The following ARFGEF1 variants were observed in gnomAD, a reference collection of about 807,000 sequenced individuals.
The protein encoded by ARFGEF1 is brefeldin A-inhibited guanine nucleotide-exchange protein 1.
ARFGEF1 carries 42 observed loss-of-function variants against 231.0 expected under a neutral mutation model. The observed-to-expected ratio is 0.18, with a 90% CI of 0.14 to 0.24. The LOEUF is 0.24. Among genes scored for constraint, ARFGEF1 ranks in the 10% least tolerant of loss-of-function variants. ARFGEF1 has a pLI of 1.00. For missense variants in ARFGEF1, 1,345 were observed against 2,192.0 expected (o/e 0.61, Z 7.72); for synonymous variants, 710 against 732.3 (o/e 0.97, Z 0.49).
intron 10 of ARFGEF1, among the ~76,000 whole-genome samples, chr8:67,269,698 T>C (rs1457311608): frequency 6.6e-6 from 1 of 152,068 alleles, no homozygotes; most frequent in Non-Finnish European, 1.5e-5. Context: ...TGAAAGTATA[T>C]CTATATTTAT....
chr8:67,186,751 C>T (rs142860073), intron 5 of ARFGEF1, among the ~76,000 whole-genome samples: 49 of 152,264 alleles, frequency 3.2e-4, no homozygotes, highest in African/African-American at 1.2e-3. Flanking sequence ...TCACAGATGA[C>T]ATGATTGTCT....
rs1367581176 is a variant in ARFGEF1 at position 67,333,701 on chromosome 8, G to A, written c.124+9463C>T. 2.0e-5 allele frequency among the ~76,000 whole-genome samples: 3 copies of A among 152,102 alleles called. No individual in the cohort carries two copies. In the East Asian group the frequency reaches 5.8e-4, roughly 29 times the overall value. ...GAAGTTTTGGAAAAATACAGGTTGA[G>A]CATTCCTAAACTGAAATGTTCCAAA... On this transcript the variant is annotated intron_variant, in intron 1 of 38. Coordinates refer to ENST00000262215, the MANE Select transcript of ARFGEF1 (RefSeq NM_006421.5).
intron 22 of ARFGEF1, 139 bp from the exon 23 acceptor site, chr8:67,233,084 T>C (rs1329297063): frequency 8.5e-6 from 6 of 703,204 alleles, no homozygotes; most frequent in African/African-American, 1.8e-5. Flanking sequence ...TCTTTTGATA[T>C]CAGTGACATG....
chr8:67,250,510 G>C lies in ARFGEF1; in HGVS notation c.2850+789C>G, dbSNP rs1048742998. 1.0e-3 allele frequency among the ~76,000 whole-genome samples: 158 copies of C among 152,156 alleles called. 1 individual carries two copies. Among genetic ancestry groups the C allele is most frequent in the Non-Finnish European group, 4.0e-4 (27 of 68,022 alleles). The stretch of plus-strand genomic sequence containing the variant: ...TGTATCACATGGACCTTGAAGAAGA[G>C]GTAGGAGTAATTACAAAATTTTGGA... On this transcript the variant is annotated intron_variant, in intron 19 of 38. Coordinates refer to ENST00000262215, the MANE Select transcript of ARFGEF1 (RefSeq NM_006421.5).
At chr8:67,296,812 G>A (rs760036412) in intron 4 of ARFGEF1, among the ~76,000 whole-genome samples, 4 of 151,668 alleles carry the variant, frequency 2.6e-5, no homozygotes, top group South Asian at 2.1e-4. Flanking sequence ...CACCACACCC[G>A]GCTAATTTTG....
intron 5 of ARFGEF1, among the ~76,000 whole-genome samples, chr8:67,185,752 TGAG>T (rs1410429196): frequency 1.3e-5 from 2 of 151,742 alleles, no homozygotes; most frequent in Middle Eastern, 3.2e-3. Flanking sequence ...ATGATGATGA[TGAG>T]TTTGATGATG....
In ARFGEF1 at chr8:67,198,136, G is replaced by A. The variant is rs928430024; in HGVS notation, c.*798C>T. Reference sequence around the variant, plus strand: ...AATATGTGACAGGTAGTTACTGTCAGTAGGGATATTTTCTACCTTTTTTTC... The same window carrying A: ...AATATGTGACAGGTAGTTACTGTCAATAGGGATATTTTCTACCTTTTTTTC... On this transcript the variant is annotated 3_prime_UTR_variant, in exon 39 of 39. Coordinates refer to ENST00000262215, the MANE Select transcript of ARFGEF1 (RefSeq NM_006421.5). The A allele has an allele frequency of 8.1e-6, 8 of 985,652 alleles. No individual in the cohort carries two copies. The highest frequency in any genetic ancestry group is 4.7e-5 in the South Asian group (1 of 21,284). 61.1% of individuals were successfully genotyped at this position (985,652 alleles called of 1,614,324 possible).
intron 1 of ARFGEF1, among the ~76,000 whole-genome samples, chr8:67,320,107 CA>C (rs1375692653): frequency 6.6e-6 from 1 of 151,516 alleles, no homozygotes; most frequent in Non-Finnish European, 1.5e-5. Context: ...CCTATAATCC[CA>C]GCTACTTGGG....
At chr8:67,204,603 C>A in intron 35 of ARFGEF1, 77 bp downstream of exon 35, 1 of 1,475,160 alleles carries the variant, frequency 6.8e-7, no homozygotes, top group Non-Finnish European at 9.1e-7. Flanking sequence ...AATTCTCTAG[C>A]CTAACTCTAC....
chr8:67,211,043 CAA>C (rs112619283), intron 34 of ARFGEF1, among the ~76,000 whole-genome samples: 5 of 87,956 alleles, frequency 5.7e-5, no homozygotes, highest in South Asian at 3.8e-4. Context: ...GACTCCGTCT[CAA>C]AAAAAAAAAA....
intron 10 of ARFGEF1, among the ~76,000 whole-genome samples, chr8:67,270,023 A>G (rs961822510): frequency 9.2e-5 from 14 of 152,342 alleles, no homozygotes; most frequent in African/African-American, 2.9e-4. Flanking sequence ...AAAGTATTAC[A>G]AAATTTTCTA....
chr8:67,214,910 G>A lies in ARFGEF1; in HGVS notation c.4686+1680C>T, dbSNP rs373046439. 5.9e-5 allele frequency among the ~76,000 whole-genome samples: 9 copies of A among 152,332 alleles called. No individual in the cohort carries two copies. In the South Asian group the frequency reaches 1.2e-3, roughly 21 times the overall value. ...AAGAAAAAGAAGAACAACTGAGAGT[G>A]TAGGGCTCAGGCCCGAAGAAGCCAG... On this transcript the variant is annotated intron_variant, in intron 33 of 38. Coordinates refer to ENST00000262215, the MANE Select transcript of ARFGEF1 (RefSeq NM_006421.5).
At chr8:67,325,132 T>C (rs1469390615) in intron 1 of ARFGEF1, among the ~76,000 whole-genome samples, 1 of 151,998 alleles carries the variant, frequency 6.6e-6, no homozygotes, top group East Asian at 1.9e-4. Context: ...AGGCTGGTCT[T>C]GAACTCCTGA....
downstream of ARFGEF1, chr8:67,174,442 C>T (rs1350803550): frequency 6.6e-6 from 1 of 152,026 alleles, no homozygotes; most frequent in East Asian, 1.9e-4. Flanking sequence ...TATGTATGAA[C>T]TGTATGTTTC....
chr8:67,192,395 A>C (rs375150360), intron 5 of ARFGEF1, among the ~76,000 whole-genome samples: 2 of 152,264 alleles, frequency 1.3e-5, no homozygotes, highest in African/African-American at 4.8e-5. Context: ...TTTCAAATTG[A>C]ATTGTCTTTT....
intron 14 of ARFGEF1, among the ~76,000 whole-genome samples, chr8:67,263,740 A>G (rs905494801): frequency 6.6e-6 from 1 of 152,192 alleles, no homozygotes; most frequent in African/African-American, 2.4e-5. Context: ...TACCCCTAGA[A>G]GCTCTCACTG....
chr8:67,244,266 A>AAAAAAAAAAAAAAAAAAAAAC (rs1563860748), intron 19 of ARFGEF1, among the ~76,000 whole-genome samples: 3 of 17,208 alleles, frequency 1.7e-4, no homozygotes, highest in African/African-American at 8.8e-4. Flanking sequence ...AAAAAAAAAA[A>AAAAAAAAAAAAAAAAAAAAAC]AACATTCGAC....
At chr8:67,202,716 G>T (rs1449482502) in intron 36 of ARFGEF1, among the ~76,000 whole-genome samples, 2 of 152,168 alleles carry the variant, frequency 1.3e-5, no homozygotes, top group Non-Finnish European at 2.9e-5. Flanking sequence ...AAACAGAGAA[G>T]CCATTCAAAT....
At position 67,232,791 on chromosome 8, in the gene ARFGEF1, A is replaced by C; in HGVS notation, c.3380+64T>G. 2.4e-6 allele frequency: 3 copies of C among 1,273,956 alleles called. No homozygotes were observed. The South Asian group carries it at 4.4e-5, about 19-fold the overall frequency. 78.9% of individuals were successfully genotyped at this position (1,273,956 alleles called of 1,614,324 possible). ...GGCAATAATATTTTTCTTTTTACCA[A>C]CACCTAAATGCTAAAGAACTGAAAT... On this transcript the variant is annotated intron_variant, in intron 23 of 38. Coordinates refer to ENST00000262215, the MANE Select transcript of ARFGEF1 (RefSeq NM_006421.5).
Sources: gnomAD v4.1 joint callset for allele counts (sites outside exome capture counted in the v4.1 genomes callset) on GRCh38, gnomAD v4.1.1 for gene constraint, MANE v1.5 for transcripts, NCBI Gene and HGNC (gene_info 2026-07-23, HGNC 2026-07-21) for gene names.